The following VPS13B variants were observed in gnomAD, a reference collection of about 807,000 sequenced individuals.
VPS13B encodes the protein vacuolar protein sorting 13 homolog B.
A neutral mutation model predicts 426.4 loss-of-function variants in VPS13B; 285 were observed. That is an observed-to-expected ratio of 0.67 (90% confidence interval 0.61 to 0.74). The LOEUF (loss-of-function observed/expected upper bound fraction) is 0.74. Among genes scored for constraint, VPS13B ranks in the 30% least tolerant of loss-of-function variants. The pLI, the probability that VPS13B is intolerant of heterozygous loss-of-function variation, is 0.00. For synonymous variants in VPS13B, 1,676 were observed against 1,676.4 expected (o/e 1.00, Z 0.01); for missense variants, 4,537 against 4,782.6 (o/e 0.95, Z 1.51).
intron 21 of VPS13B, among the ~76,000 whole-genome samples, chr8:99,408,429 G>T (rs191081179): frequency 1.3e-5 from 2 of 152,082 alleles, no homozygotes; most frequent in South Asian, 2.1e-4. Context: ...AGGATGTATG[G>T]TGTAACAGAG....
At chr8:99,387,866 A>G (rs1814215024) in intron 20 of VPS13B, among the ~76,000 whole-genome samples, 1 of 152,208 alleles carries the variant, frequency 6.6e-6, no homozygotes. Flanking sequence ...AAAATTAGCC[A>G]ACTTATAACC....
Position 99,699,725 on chromosome 8 carries a change from C to G in VPS13B, c.6247C>G (p.Pro2083Ala), listed in dbSNP as rs1439223425. ...ATATTACCGTGGAAAGTTGTCTAAA[C>G]CCAAAATTCATGGTGATGGAGTGCA... ...SKYYRGKLSK[P>A]KIHGDGVQKI... Residue 2083 changes from proline (P) to alanine (A), a missense_variant, in exon 36 of 62, where the codon CCC becomes GCC. Physicochemically the swap from Pro to Ala is conservative, Grantham distance 27. This residue lies in a region of VPS13B where 4,311 missense variants were observed against 4,474.3 expected (regional missense o/e 0.96). Transcript: ENST00000357162. The G allele has an allele frequency of 6.2e-7, 1 of 1,614,068 alleles. No homozygotes were observed. Among genetic ancestry groups the G allele is most frequent in the Non-Finnish European group, 8.5e-7 (1 of 1,180,018 alleles).
intron 21 of VPS13B, among the ~76,000 whole-genome samples, chr8:99,407,097 C>G (rs972743402): frequency 6.6e-6 from 1 of 152,068 alleles, no homozygotes; most frequent in Non-Finnish European, 1.5e-5. Context: ...TAAGTAGTAT[C>G]CTATAGCTGA....
chr8:99,665,257 A>T (rs1440894111), intron 35 of VPS13B, among the ~76,000 whole-genome samples: 4 of 151,990 alleles, frequency 2.6e-5, no homozygotes, highest in Non-Finnish European at 5.9e-5. Context: ...ATTTTCTCCC[A>T]TTCTGTAGGT....
At chr8:99,640,761 TCAATTTGTCC>T (rs1178990729) in intron 33 of VPS13B, among the ~76,000 whole-genome samples, 1 of 152,186 alleles carries the variant, frequency 6.6e-6, no homozygotes, top group African/African-American at 2.4e-5. Context: ...ATTTGAGTTA[TCAATTTGTCC>T]CTATGGTATC....
At chr8:99,081,662 C>A (rs898901150) in intron 3 of VPS13B, among the ~76,000 whole-genome samples, 15 of 142,448 alleles carry the variant, frequency 1.1e-4, no homozygotes, top group Non-Finnish European at 3.0e-5. Flanking sequence ...CGTCGTATGT[C>A]CATGTGTTCT....
At chr8:99,520,112 A>G (rs1203501982) in intron 29 of VPS13B, among the ~76,000 whole-genome samples, 1 of 152,156 alleles carries the variant, frequency 6.6e-6, no homozygotes, top group East Asian at 1.9e-4. Context: ...AGTACAAAAA[A>G]GAGAATTAGA....
rs3134157 is a variant in VPS13B, at chr8:99,467,923, A to C, written c.3666+289A>C. On this transcript the variant is annotated intron_variant, in intron 24 of 61. Transcript: ENST00000357162. ...AAACACTGAAGAACTATTTTACTGTAAGACTGGAAGAGTCTGTTGAACTGA... is the reference window on the plus strand; with the variant it reads ...AAACACTGAAGAACTATTTTACTGTCAGACTGGAAGAGTCTGTTGAACTGA... Among the ~76,000 whole-genome samples the C allele has an allele frequency of 0.28, 43,176 of 152,054 alleles. 7,185 individuals carry two copies. Among genetic ancestry groups the C allele is most frequent in the East Asian group, 0.45 (2,331 of 5,166 alleles).
At chr8:99,694,681 G>A (rs1246206894) in intron 35 of VPS13B, among the ~76,000 whole-genome samples, 1 of 145,446 alleles carries the variant, frequency 6.9e-6, no homozygotes, top group Non-Finnish European at 1.5e-5. Flanking sequence ...GGCAACAAAA[G>A]CCAAAATTGA....
intron 39 of VPS13B, among the ~76,000 whole-genome samples, chr8:99,735,012 G>A (rs1833763552): frequency 6.6e-6 from 1 of 152,180 alleles, no homozygotes; most frequent in African/African-American, 2.4e-5. Flanking sequence ...AGGTTTTGGA[G>A]GAATAATCGT....
intron 33 of VPS13B, among the ~76,000 whole-genome samples, chr8:99,601,832 CT>C (rs1461056458): frequency 9.9e-5 from 15 of 152,162 alleles, no homozygotes; most frequent in Non-Finnish European, 1.5e-5. Context: ...CCTTCGCCCA[CT>C]TTTTGATGGG....
At position 99,618,653 on chromosome 8, in the gene VPS13B, ACT is replaced by A. The variant is rs1206172805; in HGVS notation, c.5221-23155_5221-23154del. ...AAAACTGCCGATGCTGCTAAACTTA[ACT>A]CTGAGAATGGAATTCCACAGATTAT... is the stretch of plus-strand genomic sequence containing the variant. On this transcript the variant is annotated intron_variant, in intron 33 of 61. Transcript: ENST00000357162. Among the ~76,000 whole-genome samples, 5 of 152,170 alleles carry A rather than the reference ACT, an allele frequency of 3.3e-5. No individual in the cohort carries two copies. In the East Asian group the frequency reaches 9.6e-4, roughly 29 times the overall value.
chr8:99,850,972 T>C (rs1003877748), intron 55 of VPS13B, among the ~76,000 whole-genome samples: 8 of 152,200 alleles, frequency 5.3e-5, no homozygotes, highest in African/African-American at 1.9e-4. Flanking sequence ...TTATTGCTTC[T>C]CATATATGGT....
intron 43 of VPS13B, among the ~76,000 whole-genome samples, chr8:99,803,083 G>T (rs961654301): frequency 7.2e-5 from 11 of 152,072 alleles, no homozygotes; most frequent in South Asian, 4.1e-4. Context: ...ATAGCACTGG[G>T]ATAAACATAC....
chr8:99,832,495 T>C lies in VPS13B; in HGVS notation c.9457T>C (p.Ser3153Pro). Residue 3153 changes from serine (S) to proline (P), a missense_variant, in exon 52 of 62, where the codon TCC (serine) becomes CCC (proline). Ser to Pro is a moderately conservative substitution (Grantham distance 74, BLOSUM62 -1). Transcript: ENST00000357162. ...PDISQSVLDA[S>P]LLQKQIMLGF... ...CATCAGTCAGTCAGTACTGGATGCA[T>C]CCCTGCTTCAGAAACAGATCATGCT... is the stretch of plus-strand genomic sequence containing the variant. 6.2e-7 allele frequency: 1 copy of C among 1,613,764 alleles called. No homozygotes were observed. Among genetic ancestry groups the C allele is most frequent in the South Asian group, 1.1e-5 (1 of 91,028 alleles).
At chr8:99,813,368 T>G (rs117190315) in intron 44 of VPS13B, among the ~76,000 whole-genome samples, 1,661 of 152,294 alleles carry the variant, frequency 0.011, 12 homozygotes, top group South Asian at 0.051. Flanking sequence ...CAAATTCTCT[T>G]CTAAATCTCC....
intron 17 of VPS13B, among the ~76,000 whole-genome samples, chr8:99,194,939 AG>A (rs1421270618): frequency 3.3e-5 from 5 of 151,932 alleles, no homozygotes. Context: ...TCCGCCTCCC[AG>A]GTACAAGCAA....
intron 21 of VPS13B, among the ~76,000 whole-genome samples, chr8:99,399,380 A>T (rs1486106971): frequency 6.6e-6 from 1 of 152,198 alleles, no homozygotes; most frequent in Non-Finnish European, 1.5e-5. Context: ...CATAATTTAT[A>T]ATTAGACAAT....
intron 33 of VPS13B, among the ~76,000 whole-genome samples, chr8:99,584,946 C>G (rs1252345898): frequency 6.6e-6 from 1 of 152,122 alleles, no homozygotes; most frequent in African/African-American, 2.4e-5. Context: ...TATAAATACA[C>G]CTACTCGTGT....
Sources: gnomAD v4.1 joint callset for allele counts (sites outside exome capture counted in the v4.1 genomes callset) on GRCh38, gnomAD v4.1.1 for gene constraint, gnomAD v4.1.1 regional missense constraint, MANE v1.5 for transcripts, NCBI Gene and HGNC (gene_info 2026-07-23, HGNC 2026-07-21) for gene names.